PLPPR4: variants seen among roughly 807,000 people sequenced by gnomAD.
The protein encoded by PLPPR4 is phospholipid phosphatase related 4.
A neutral mutation model predicts 56.6 loss-of-function variants in PLPPR4; 24 were observed. That is an observed-to-expected ratio of 0.42 (90% CI 0.31 to 0.60). The LOEUF is 0.60. Ranked by LOEUF, PLPPR4 falls within the 20% of genes least tolerant of loss-of-function variation. PLPPR4 has a pLI of 0.13. For synonymous variants in PLPPR4, 326 were observed against 328.1 expected (o/e 0.99, Z 0.07); for missense variants, 654 against 885.8 (o/e 0.74, Z 3.32).
In PLPPR4 at chr1:99,308,867, C is replaced by T. The variant is rs1193876236; in HGVS notation, c.*1857C>T. 6.6e-6 allele frequency: 1 copy of T among 152,622 alleles called. No individual in the cohort carries two copies. Among genetic ancestry groups the T allele is most frequent in the African/African-American group, 2.4e-5 (1 of 41,448 alleles). 9.5% of individuals were successfully genotyped at this position (152,622 alleles called of 1,614,324 possible). On this transcript the variant is annotated 3_prime_UTR_variant, in exon 7 of 7. Transcript: ENST00000370185. ...CACCACCGCCATCATGACGCTCATA[C>T]TGGCTTTTGCCTGTTTGTAGAGGAA... is the stretch of plus-strand genomic sequence containing the variant.
At chr1:99,300,038 T>A (rs1462271279) in intron 4 of PLPPR4, among the ~76,000 whole-genome samples, 1 of 151,986 alleles carries the variant, frequency 6.6e-6, no homozygotes, top group Non-Finnish European at 1.5e-5. Flanking sequence ...TAAAGCCTGA[T>A]GTTATGTGAT....
At chr1:99,304,978 T>C (rs1315970079) in intron 6 of PLPPR4, among the ~76,000 whole-genome samples, 1 of 152,158 alleles carries the variant, frequency 6.6e-6, no homozygotes, top group Non-Finnish European at 1.5e-5. Context: ...ACACTGTGTA[T>C]GAAGACAAAA....
chr1:99,304,687 T>A (rs991303517), intron 6 of PLPPR4, among the ~76,000 whole-genome samples: 6 of 152,254 alleles, frequency 3.9e-5, no homozygotes, highest in Non-Finnish European at 7.3e-5. Flanking sequence ...TTTTCAGTTC[T>A]AAGCCAATGC....
chr1:99,297,332 G>A (rs1222685120), intron 3 of PLPPR4, among the ~76,000 whole-genome samples: 3 of 151,962 alleles, frequency 2.0e-5, no homozygotes, highest in South Asian at 4.1e-4. Flanking sequence ...CTGCATCATG[G>A]CCATTTTTCC....
intron 6 of PLPPR4, among the ~76,000 whole-genome samples, chr1:99,302,770 T>G (rs938125700): frequency 6.7e-6 from 1 of 148,522 alleles, no homozygotes; most frequent in African/African-American, 2.5e-5. Flanking sequence ...CGGTGTTTGG[T>G]TTTTTATCTT....
At chr1:99,293,916 C>T (rs1314122439) in intron 2 of PLPPR4, among the ~76,000 whole-genome samples, 3 of 152,092 alleles carry the variant, frequency 2.0e-5, no homozygotes, top group Non-Finnish European at 4.4e-5. Context: ...TATCTCCTCC[C>T]AAAACCTGTC....
chr1:99,296,843 C>A lies in PLPPR4; in HGVS notation c.370C>A (p.Leu124Ile). 1 of 1,586,454 alleles carries A rather than the reference C, an allele frequency of 6.3e-7. No individual in the cohort carries two copies. The highest frequency in any genetic ancestry group is 1.2e-5 in the South Asian group (1 of 86,392). Residue 124 changes from leucine to isoleucine, a missense_variant, in exon 3 of 7, where the codon CTC becomes ATC. Physicochemically the swap from Leu to Ile is conservative, Grantham distance 5. Around this residue, in one of 2 missense-constraint regions of PLPPR4, gnomAD observed 186 missense variants for 331.4 expected, o/e 0.56. Coordinates refer to ENST00000370185, the MANE Select transcript of PLPPR4 (RefSeq NM_014839.5). ...NAGGCNFNSF[L>I]RRAVRFVGVH... Reference sequence around the variant, plus strand: ...TGGAGGCTGCAACTTCAATTCCTTCCTCAGACGAGCTGTCAGATTCGTTGG... The same window carrying A: ...TGGAGGCTGCAACTTCAATTCCTTCATCAGACGAGCTGTCAGATTCGTTGG...
upstream of PLPPR4, among the ~76,000 whole-genome samples, chr1:99,263,355 A>G (rs819767): frequency 0.93 from 141,051 of 152,238 alleles, 65,415 homozygotes; most frequent in East Asian, 1. Flanking sequence ...GCCTGGCAGA[A>G]GAAAGTGGGG....
chr1:99,269,085 A>G (rs1283880381), intron 1 of PLPPR4, among the ~76,000 whole-genome samples: 1 of 151,272 alleles, frequency 6.6e-6, no homozygotes, highest in Non-Finnish European at 1.5e-5. Flanking sequence ...TAGCCCCCCA[A>G]CCCCCACAGG....
At chr1:99,288,226 T>C in intron 2 of PLPPR4, 76 bp downstream of exon 2, 1 of 1,321,732 alleles carries the variant, frequency 7.6e-7, no homozygotes, top group Non-Finnish European at 1.1e-6. Context: ...ATAAATGGGT[T>C]CAAAGCAAAC....
At chr1:99,286,344 T>C (rs1659462704) in intron 1 of PLPPR4, among the ~76,000 whole-genome samples, 1 of 152,204 alleles carries the variant, frequency 6.6e-6, no homozygotes, top group Non-Finnish European at 1.5e-5. Flanking sequence ...TCAACAAGTA[T>C]TGATTGCTTC....
chr1:99,265,636 G>T (rs1358790180), intron 1 of PLPPR4, among the ~76,000 whole-genome samples: 1 of 152,170 alleles, frequency 6.6e-6, no homozygotes, highest in African/African-American at 2.4e-5. Flanking sequence ...GTTAGAGTCT[G>T]GGTTGCATAG....
intron 1 of PLPPR4, among the ~76,000 whole-genome samples, chr1:99,274,942 A>T (rs1202638421): frequency 6.6e-6 from 1 of 152,196 alleles, no homozygotes; most frequent in Non-Finnish European, 1.5e-5. Flanking sequence ...CTTTCTAAAA[A>T]TGATGAATAA....
At chr1:99,281,663 T>C (rs1570911729) in intron 1 of PLPPR4, among the ~76,000 whole-genome samples, 1 of 152,246 alleles carries the variant, frequency 6.6e-6, no homozygotes, top group African/African-American at 2.4e-5. Flanking sequence ...TCACCACGTG[T>C]GTGTTGACCT....
intron 1 of PLPPR4, among the ~76,000 whole-genome samples, chr1:99,269,997 TTGTGTGTGTGTG>T (rs10612152): frequency 9.9e-4 from 133 of 134,560 alleles, no homozygotes; most frequent in African/African-American, 2.3e-3. Context: ...TTCATTCCTT[TTGTGTGTGTGTG>T]TGTGTGTGTG....
chr1:99,289,724 G>A (rs963122237), intron 2 of PLPPR4, among the ~76,000 whole-genome samples: 39 of 152,154 alleles, frequency 2.6e-4, no homozygotes, highest in African/African-American at 9.4e-4. Flanking sequence ...ATGCGGAAAA[G>A]GTTTTCAATA....
intron 1 of PLPPR4, among the ~76,000 whole-genome samples, chr1:99,283,841 A>G (rs1448536352): frequency 3.3e-5 from 5 of 152,116 alleles, no homozygotes; most frequent in Admixed American, 1.3e-4. Context: ...AGTCCCAGCT[A>G]CTCAGGAGAC....
rs567805874 is a variant in PLPPR4, at chr1:99,305,850, C to A, written c.988C>A (p.Arg330=). Residue 330 remains arginine (R), a synonymous_variant, in exon 7 of 7, where the codon CGA becomes AGA. Coordinates refer to ENST00000370185, the MANE Select transcript of PLPPR4 (RefSeq NM_014839.5). ...GIAHTEGILN[R]NHRDASSLTN... is the part of the protein sequence containing the mutation. ...TGCTCATACAGAAGGCATCCTCAAC[C>A]GAAACCACAGAGATGCTAGCTCTCT... is the stretch of plus-strand genomic sequence containing the variant. 2 of 1,614,046 alleles carry A rather than the reference C, an allele frequency of 1.2e-6. No individual in the cohort carries two copies. Among genetic ancestry groups the A allele is most frequent in the Non-Finnish European group, 1.7e-6 (2 of 1,180,002 alleles).
At chr1:99,265,279 T>C (rs1658866888) in intron 1 of PLPPR4, among the ~76,000 whole-genome samples, 1 of 152,108 alleles carries the variant, frequency 6.6e-6, no homozygotes, top group Admixed American at 6.5e-5. Flanking sequence ...ATATTATATA[T>C]GTGTGTATAC....
Sources: gnomAD v4.1 joint callset for allele counts (sites outside exome capture counted in the v4.1 genomes callset) on GRCh38, gnomAD v4.1.1 for gene constraint, gnomAD v4.1.1 regional missense constraint, MANE v1.5 for transcripts, NCBI Gene and HGNC (gene_info 2026-07-23, HGNC 2026-07-21) for gene names.